The following MBD5 variants were observed in gnomAD, a reference collection of about 807,000 sequenced individuals.
The protein encoded by MBD5 is methyl-CpG-binding domain protein 5.
Under a neutral mutation model 117.3 loss-of-function variants are expected in MBD5, and 13 were observed. That is an observed-to-expected ratio of 0.11 (90% CI 0.07 to 0.18). The LOEUF is 0.18. MBD5 is among the 10% of genes least tolerant of loss of function. The probability of loss-of-function intolerance (pLI) is 1.00; values close to 1 mark genes in which losing one functional copy is unlikely to be tolerated. For missense variants in MBD5, 1,879 were observed against 2,093.8 expected (o/e 0.90, Z 2.00); for synonymous variants, 727 against 766.4 (o/e 0.95, Z 0.85).
intron 1 of MBD5, among the ~76,000 whole-genome samples, chr2:148,138,823 A>G (rs1033170879): frequency 1.3e-5 from 2 of 152,222 alleles, no homozygotes; most frequent in African/African-American, 2.4e-5. Flanking sequence ...CCTTTTAGAA[A>G]GAACCGCTAA....
intron 2 of MBD5, among the ~76,000 whole-genome samples, chr2:148,226,505 T>A (rs1699824753): frequency 6.6e-6 from 1 of 152,228 alleles, no homozygotes; most frequent in Admixed American, 6.5e-5. Context: ...CTTAATCCAG[T>A]CTACCATTGT....
intron 4 of MBD5, among the ~76,000 whole-genome samples, chr2:148,441,412 A>G (rs1233204167): frequency 1.3e-5 from 2 of 152,036 alleles, no homozygotes; most frequent in African/African-American, 4.8e-5. Flanking sequence ...AGCTTCATCC[A>G]TGTCCCTACA....
chr2:148,388,632 A>G (rs1704453057), intron 4 of MBD5, among the ~76,000 whole-genome samples: 1 of 152,186 alleles, frequency 6.6e-6, no homozygotes, highest in African/African-American at 2.4e-5. Flanking sequence ...GGAGGTTGGA[A>G]GTCCAGAATC....
chr2:148,091,816 G>A lies in MBD5; in HGVS notation c.-925+70132G>A, dbSNP rs78293972. 7.2e-3 allele frequency among the ~76,000 whole-genome samples: 1,101 copies of A among 152,202 alleles called. 8 individuals carry two copies. Among genetic ancestry groups the A allele is most frequent in the Non-Finnish European group, 0.01 (704 of 67,992 alleles). ...AACAAAAACAAAGATAAACGGATGG[G>A]ACCTAATTAAACTAAAAAGTTTCTG... On this transcript the variant is annotated intron_variant, in intron 1 of 13. Coordinates refer to ENST00000642680, the MANE Select transcript of MBD5 (RefSeq NM_001378120.1).
At chr2:148,156,261 G>C (rs921340670) in intron 1 of MBD5, among the ~76,000 whole-genome samples, 5 of 152,158 alleles carry the variant, frequency 3.3e-5, no homozygotes, top group Admixed American at 6.5e-5. Flanking sequence ...GTATAACATA[G>C]CACCTGAGGT....
intron 11 of MBD5, among the ~76,000 whole-genome samples, chr2:148,494,754 G>A (rs1438588955): frequency 6.6e-6 from 1 of 152,154 alleles, no homozygotes; most frequent in African/African-American, 2.4e-5. Context: ...GAGGTCAGGA[G>A]ATCCAGACCA....
intron 3 of MBD5, among the ~76,000 whole-genome samples, chr2:148,240,533 A>C (rs1213739361): frequency 6.6e-6 from 1 of 152,212 alleles, no homozygotes; most frequent in Middle Eastern, 3.2e-3. Flanking sequence ...TATAGGCATG[A>C]GCCACTGCAC....
chr2:148,312,939 G>A (rs1380895996), intron 3 of MBD5, among the ~76,000 whole-genome samples: 1 of 152,140 alleles, frequency 6.6e-6, no homozygotes, highest in Non-Finnish European at 1.5e-5. Flanking sequence ...GTTTGCTGGA[G>A]GTCCACTCCA....
intron 3 of MBD5, among the ~76,000 whole-genome samples, chr2:148,301,140 C>T (rs892586962): frequency 6.6e-6 from 1 of 152,154 alleles, no homozygotes; most frequent in African/African-American, 2.4e-5. Context: ...AGCAACAAAC[C>T]AAACTATCTT....
At chr2:148,078,408 CTTCTA>C (rs1332825915) in intron 1 of MBD5, among the ~76,000 whole-genome samples, 1 of 152,046 alleles carries the variant, frequency 6.6e-6, no homozygotes, top group Non-Finnish European at 1.5e-5. Flanking sequence ...TTTTACCAGT[CTTCTA>C]TTTGTTTGGA....
intron 2 of MBD5, among the ~76,000 whole-genome samples, chr2:148,199,670 G>A (rs1699086473): frequency 6.6e-6 from 1 of 151,890 alleles, no homozygotes; most frequent in South Asian, 2.1e-4. Flanking sequence ...TGAGGTGGGA[G>A]GATCACTTAA....
chr2:148,225,501 T>A (rs1233168464), intron 2 of MBD5, among the ~76,000 whole-genome samples: 1 of 152,180 alleles, frequency 6.6e-6, no homozygotes, highest in Non-Finnish European at 1.5e-5. Flanking sequence ...CACACCACAG[T>A]TACAGTGTTA....
At chr2:148,368,461 T>G (rs983134816) in intron 4 of MBD5, among the ~76,000 whole-genome samples, 8 of 151,898 alleles carry the variant, frequency 5.3e-5, no homozygotes, top group Admixed American at 5.3e-4. Context: ...GTATCCCAAC[T>G]TAAAGTATTA....
In MBD5 at chr2:148,254,106, A is replaced by G. The variant is rs372405723; in HGVS notation, c.-680+20711A>G. Among the ~76,000 whole-genome samples, 43 of 152,294 alleles carry G rather than the reference A, an allele frequency of 2.8e-4. No homozygotes were observed. In the East Asian group the frequency reaches 7.6e-3, roughly 27 times the overall value. ...ACAGCTCACTACTAGGATCCCAGCT[A>G]TGCCACTCATGACTATTAGGGCCCA... is the stretch of plus-strand genomic sequence containing the variant. On this transcript the variant is annotated intron_variant, in intron 3 of 13. Transcript: ENST00000642680.
intron 1 of MBD5, among the ~76,000 whole-genome samples, chr2:148,065,061 A>G (rs1695149210): frequency 6.6e-6 from 1 of 152,118 alleles, no homozygotes. Flanking sequence ...ATGGAGTTGC[A>G]CAGCCAGCAT....
At chr2:148,317,487 G>T (rs998346844) in intron 3 of MBD5, among the ~76,000 whole-genome samples, 9 of 152,192 alleles carry the variant, frequency 5.9e-5, no homozygotes, top group African/African-American at 2.2e-4. Context: ...TATTTAGTGG[G>T]TACAAGTGCA....
At chr2:148,139,483 ATTACAGGCGTGAG>A (rs1443252492) in intron 1 of MBD5, among the ~76,000 whole-genome samples, 2 of 152,186 alleles carry the variant, frequency 1.3e-5, no homozygotes, top group Non-Finnish European at 2.9e-5. Context: ...AAGCGCTGGG[ATTACAGGCGTGAG>A]CCACTGTGCC....
chr2:148,463,340 A>G (rs535375404), intron 6 of MBD5, among the ~76,000 whole-genome samples: 7 of 152,334 alleles, frequency 4.6e-5, no homozygotes, highest in African/African-American at 1.7e-4. Context: ...ACAAGATAAT[A>G]TTAACGTAAT....
At chr2:148,225,408 G>T (rs1574158500) in intron 2 of MBD5, among the ~76,000 whole-genome samples, 1 of 151,954 alleles carries the variant, frequency 6.6e-6, no homozygotes, top group Non-Finnish European at 1.5e-5. Context: ...TATTGTTTAT[G>T]TCTTGAAAAC....
Sources: gnomAD v4.1 joint callset for allele counts (sites outside exome capture counted in the v4.1 genomes callset) on GRCh38, gnomAD v4.1.1 for gene constraint, MANE v1.5 for transcripts, NCBI Gene and HGNC (gene_info 2026-07-23, HGNC 2026-07-21) for gene names.